The following PRTFDC1 variants were observed in gnomAD, a reference collection of about 807,000 sequenced individuals.
PRTFDC1 encodes the protein phosphoribosyl transferase domain containing 1.
A neutral mutation model predicts 34.6 loss-of-function variants in PRTFDC1; 38 were observed. The observed-to-expected ratio is 1.10, with a 90% CI of 0.85 to 1.44. PRTFDC1 has a LOEUF of 1.44. PRTFDC1 is among the 40% of genes most tolerant of loss of function. The pLI is 0.00. For synonymous variants in PRTFDC1, 93 were observed against 98.1 expected (o/e 0.95, Z 0.31); for missense variants, 270 against 283.0 (o/e 0.95, Z 0.33).
chr10:24,949,071 ATGCT>A (rs1485081754), intron 1 of PRTFDC1, among the ~76,000 whole-genome samples: 1 of 152,094 alleles, frequency 6.6e-6, no homozygotes, highest in East Asian at 1.9e-4. Context: ...TGCTCAAGAA[ATGCT>A]TGCTATTATT....
At chr10:24,857,877 C>T (rs912498928) in intron 5 of PRTFDC1, among the ~76,000 whole-genome samples, 1 of 151,416 alleles carries the variant, frequency 6.6e-6, no homozygotes, top group African/African-American at 2.4e-5. Flanking sequence ...TTTTTTTTAA[C>T]AGAAAAACAA....
chr10:24,952,441 G>T lies in PRTFDC1; in HGVS notation c.48+87C>A, dbSNP rs925455568. On this transcript the variant is annotated intron_variant, in intron 1 of 8. Coordinates refer to ENST00000320152, the MANE Select transcript of PRTFDC1 (RefSeq NM_020200.7). The surrounding 1 kb of genome is among the most constrained non-coding windows in gnomAD (Gnocchi z 5.1). ...AAAGCGGTGGCCCTCTCTCTCCCCC[G>T]ACGCACGGCAAGCATTTAATCTACA... 4.8e-6 allele frequency: 7 copies of T among 1,446,944 alleles called. No individual in the cohort carries two copies. The Admixed American group carries it at 8.0e-5, about 16-fold the overall frequency. 89.6% of individuals were successfully genotyped at this position (1,446,944 alleles called of 1,614,324 possible). A position where few individuals can be genotyped will look rare whatever the true frequency, so the allele number is the denominator to read the frequency against.
intron 4 of PRTFDC1, 65 bp from the exon 5 acceptor site, chr10:24,858,474 T>C (rs1465379874): frequency 1.3e-6 from 2 of 1,526,458 alleles, no homozygotes; most frequent in Admixed American, 3.4e-5. Context: ...TACATACACA[T>C]TTTTTTGCTT....
rs1021055890 is a variant in PRTFDC1 at position 24,855,195 on chromosome 10, T to G, written c.553+123A>C. 9 of 921,550 alleles carry G rather than the reference T, an allele frequency of 9.8e-6. 1 individual carries two copies. The highest frequency in any genetic ancestry group is 9.1e-5 in the Admixed American group (4 of 44,012). The allele number at this position is 921,550 out of a possible 1,614,324, so 57.1% of individuals were successfully genotyped here. A position where few individuals can be genotyped will look rare whatever the true frequency, so the allele number is the denominator to read the frequency against. On this transcript the variant is annotated intron_variant, in intron 7 of 8. Transcript: ENST00000320152. ...GAGGAATCCGTGGGACTATCAGCCC[T>G]ACACAGTTTCAAATCCACATGCAAT...
rs112284842 is a variant in PRTFDC1 at position 24,895,411 on chromosome 10, C to T, written c.340-23348G>A. ...AGGTTACAGGCATGCACCACCACAC[C>T]TGGCTAGTTTTGTGTTTTTAGTAGA... On this transcript the variant is annotated intron_variant, in intron 3 of 8. Coordinates refer to ENST00000320152, the MANE Select transcript of PRTFDC1 (RefSeq NM_020200.7). Among the ~76,000 whole-genome samples, 799 of 151,536 alleles carry T rather than the reference C, an allele frequency of 5.3e-3. 6 individuals carry two copies. Among genetic ancestry groups the T allele is most frequent in the African/African-American group, 0.018 (742 of 41,302 alleles).
At chr10:24,923,572 G>A (rs1262589990) in intron 3 of PRTFDC1, among the ~76,000 whole-genome samples, 4 of 152,138 alleles carry the variant, frequency 2.6e-5, no homozygotes, top group African/African-American at 9.7e-5. Context: ...CCTGTTAGAA[G>A]GAAAACTAGC....
Position 24,863,758 on chromosome 10 carries a change from T to G in PRTFDC1, c.406-5349A>C, listed in dbSNP as rs74230850. Among the ~76,000 whole-genome samples, 24 of 152,128 alleles carry G rather than the reference T, an allele frequency of 1.6e-4. No individual in the cohort carries two copies. The East Asian group carries it at 4.4e-3, about 28-fold the overall frequency. ...TGGAAGAAGTTGATTCCGACCCTCA[T>G]GCATAACTTTGAGGGGCCCAAGGTT... On this transcript the variant is annotated intron_variant, in intron 4 of 8. Coordinates refer to ENST00000320152, the MANE Select transcript of PRTFDC1 (RefSeq NM_020200.7).
Position 24,858,416 on chromosome 10 carries a change from T to A in PRTFDC1, c.406-7A>T. 2 of 1,613,262 alleles carry A rather than the reference T, an allele frequency of 1.2e-6. No homozygotes were observed. Among genetic ancestry groups the A allele is most frequent in the Non-Finnish European group, 8.5e-7 (1 of 1,179,342 alleles). On this transcript the variant is annotated splice_region_variant and splice_polypyrimidine_tract_variant and intron_variant, in intron 4 of 8. Coordinates refer to ENST00000320152, the MANE Select transcript of PRTFDC1 (RefSeq NM_020200.7). The stretch of plus-strand genomic sequence containing the variant: ...CCTCAACAATGAGAACATTCTGAAA[T>A]AAACAAAACCCATATTTTAGAATGT...
chr10:24,933,643 T>A (rs781305581), intron 3 of PRTFDC1, among the ~76,000 whole-genome samples: 2 of 151,382 alleles, frequency 1.3e-5, no homozygotes, highest in Non-Finnish European at 2.9e-5. Context: ...CTGTCACATA[T>A]GCTGGTGGGA....
At chr10:24,912,381 C>A (rs1377439926) in intron 3 of PRTFDC1, among the ~76,000 whole-genome samples, 3 of 141,464 alleles carry the variant, frequency 2.1e-5, no homozygotes, top group Non-Finnish European at 3.0e-5. Context: ...GGAGTTCCAA[C>A]TTTACTTCCT....
chr10:24,851,210 C>T (rs1051727652), intron 8 of PRTFDC1, among the ~76,000 whole-genome samples, 178 bp downstream of exon 8: 4 of 152,144 alleles, frequency 2.6e-5, no homozygotes, highest in Non-Finnish European at 4.4e-5. Context: ...CATCCTGATA[C>T]CTACCCTGCA....
intron 8 of PRTFDC1, among the ~76,000 whole-genome samples, chr10:24,850,588 C>T (rs928430383): frequency 6.6e-6 from 1 of 152,108 alleles, no homozygotes; most frequent in Admixed American, 6.5e-5. Context: ...GCTATGATTG[C>T]GTCACTGCAC....
At chr10:24,924,022 C>A (rs536484004) in intron 3 of PRTFDC1, among the ~76,000 whole-genome samples, 4 of 152,210 alleles carry the variant, frequency 2.6e-5, no homozygotes, top group Non-Finnish European at 5.9e-5. Context: ...GCTTCAATAG[C>A]TGATTCGATC....
chr10:24,884,476 C>T (rs1396343204), intron 3 of PRTFDC1, among the ~76,000 whole-genome samples: 5 of 152,192 alleles, frequency 3.3e-5, no homozygotes, highest in African/African-American at 1.2e-4. Context: ...TGAAGATTCC[C>T]ATGCCTGCAA....
At chr10:24,912,893 G>A (rs189389158) in intron 3 of PRTFDC1, among the ~76,000 whole-genome samples, 178 of 152,162 alleles carry the variant, frequency 1.2e-3, no homozygotes, top group Non-Finnish European at 1.1e-3. Flanking sequence ...GGCATCCTGA[G>A]TGAGCCTTTT....
Position 24,849,711 on chromosome 10 carries a change from C to G in PRTFDC1, c.*133G>C, listed in dbSNP as rs956660598. The G allele has an allele frequency of 8.0e-6, 6 of 749,230 alleles. No individual in the cohort carries two copies. Among genetic ancestry groups the G allele is most frequent in the Middle Eastern group, 2.4e-4 (1 of 4,122 alleles). 46.4% of individuals were successfully genotyped at this position (749,230 alleles called of 1,614,324 possible). ...TATTAACCTCAGAAAAGAAAGCTCTCTCATTTGAACATTTTTTTCTTTTAT... is the reference window on the plus strand; with the variant it reads ...TATTAACCTCAGAAAAGAAAGCTCTGTCATTTGAACATTTTTTTCTTTTAT... On this transcript the variant is annotated 3_prime_UTR_variant, in exon 9 of 9. Coordinates refer to ENST00000320152, the MANE Select transcript of PRTFDC1 (RefSeq NM_020200.7).
chr10:24,864,683 T>C (rs780172946), intron 4 of PRTFDC1, among the ~76,000 whole-genome samples: 1 of 152,222 alleles, frequency 6.6e-6, no homozygotes, highest in Non-Finnish European at 1.5e-5. Flanking sequence ...TTATATGCAC[T>C]GAAAAATCAA....
At chr10:24,908,717 G>A (rs765844558) in intron 3 of PRTFDC1, 9 of 1,548,284 alleles carry the variant, frequency 5.8e-6, no homozygotes, top group Non-Finnish European at 7.8e-6. Flanking sequence ...AGCAGTGAGG[G>A]AGGAAGGAGA....
intron 2 of PRTFDC1, among the ~76,000 whole-genome samples, chr10:24,938,540 C>T (rs1445449670): frequency 6.6e-6 from 1 of 152,218 alleles, no homozygotes; most frequent in Non-Finnish European, 1.5e-5. Flanking sequence ...GGGAGCTCAC[C>T]TGATAGGGAA....
Sources: gnomAD v4.1 joint callset for allele counts (sites outside exome capture counted in the v4.1 genomes callset) on GRCh38, gnomAD v4.1.1 for gene constraint, Gnocchi (gnomAD v3.1) non-coding constraint, MANE v1.5 for transcripts, NCBI Gene and HGNC (gene_info 2026-07-23, HGNC 2026-07-21) for gene names.